Variants in ADAM19 observed in about 807,000 individuals in gnomAD.
ADAM19 encodes the protein disintegrin and metalloproteinase domain-containing protein 19.
In ADAM19, 65 loss-of-function variants were observed where a neutral mutation model predicts 114.7. The ratio of observed to expected loss-of-function variants is 0.57; its 90% CI spans 0.46 to 0.70. The LOEUF is 0.70. Among genes scored for constraint, ADAM19 ranks in the 30% least tolerant of loss-of-function variants. The probability of loss-of-function intolerance (pLI) is 0.00; values close to 1 mark genes in which losing one functional copy is unlikely to be tolerated. For missense variants in ADAM19, 1,063 were observed against 1,204.7 expected (o/e 0.88, Z 1.74); for synonymous variants, 466 against 460.5 (o/e 1.01, Z -0.15).
At chr5:157,575,499 T>G in intron 1 of ADAM19, 104 bp downstream of exon 1, 1 of 820,168 alleles carries the variant, frequency 1.2e-6, no homozygotes, top group Non-Finnish European at 1.7e-6. Flanking sequence ...CCCCGCGGAG[T>G]TGCGGGAGGC....
Position 157,564,440 on chromosome 5 carries a change from G to T in ADAM19, c.184C>A (p.Pro62Thr). 1 of 1,614,062 alleles carries T rather than the reference G, an allele frequency of 6.2e-7. No individual in the cohort carries two copies. The highest frequency in any genetic ancestry group is 1.1e-5 in the South Asian group (1 of 91,078). Residue 62 changes from proline (P) to threonine (T), a missense_variant, in exon 3 of 23, where the codon CCA becomes ACA. Physicochemically the swap from Pro to Thr is conservative, Grantham distance 38. This residue lies in a region of ADAM19 where 615 missense variants were observed against 706.3 expected (regional missense o/e 0.87). Transcript: ENST00000257527. The stretch of plus-strand genomic sequence containing the variant: ...ATTACCCTGAGCTCAGCTTTGAGTG[G>T]ATGCTAAAAGCAACAACAAAACAAT... ...TSESPVREKH[P>T]LKAELRVMAE...
chr5:157,484,971 A>G (rs1754887020), intron 21 of ADAM19, among the ~76,000 whole-genome samples: 2 of 152,230 alleles, frequency 1.3e-5, no homozygotes, highest in Non-Finnish European at 2.9e-5. Flanking sequence ...ACTCAGCCCT[A>G]CCAGGGCCCT....
intron 3 of ADAM19, among the ~76,000 whole-genome samples, chr5:157,560,667 T>C (rs528501764): frequency 1.2e-4 from 18 of 152,336 alleles, no homozygotes; most frequent in Admixed American, 1.1e-3. Context: ...GCAGCTTCTG[T>C]GTGACTGTGT....
rs140000103 is a variant in ADAM19 at position 157,478,819 on chromosome 5, G to A, written c.*2130C>T. 1 of 985,870 alleles carries A rather than the reference G, an allele frequency of 1.0e-6. No individual in the cohort carries two copies. The highest frequency in any genetic ancestry group is 1.1e-4 in the East Asian group (1 of 8,816). 61.1% of individuals were successfully genotyped at this position (985,870 alleles called of 1,614,324 possible). A position where few individuals can be genotyped will look rare whatever the true frequency, so the allele number is the denominator to read the frequency against. ...ACAACCCAGGTCTCTTTCTGGTGTGGTTCCAGGGAGGGTGGACTGCAGGTT... is the reference window on the plus strand; with the variant it reads ...ACAACCCAGGTCTCTTTCTGGTGTGATTCCAGGGAGGGTGGACTGCAGGTT... On this transcript the variant is annotated 3_prime_UTR_variant, in exon 23 of 23. Transcript: ENST00000257527.
chr5:157,480,600 G>A lies in ADAM19; in HGVS notation c.*349C>T. ...TGAATGGATGGCTTCTGCAAGCGAAGTGCTGGCCTGAGGGGCTTGCTGGCC... is the reference window on the plus strand; with the variant it reads ...TGAATGGATGGCTTCTGCAAGCGAAATGCTGGCCTGAGGGGCTTGCTGGCC... On this transcript the variant is annotated 3_prime_UTR_variant, in exon 23 of 23. Coordinates refer to ENST00000257527, the MANE Select transcript of ADAM19 (RefSeq NM_033274.5). 9.0e-7 allele frequency: 1 copy of A among 1,114,188 alleles called. No homozygotes were observed. The highest frequency in any genetic ancestry group is 1.1e-6 in the Non-Finnish European group (1 of 909,272). 69.0% of individuals were successfully genotyped at this position (1,114,188 alleles called of 1,614,324 possible).
At position 157,477,322 on chromosome 5, in the gene ADAM19, A is replaced by T; in HGVS notation, c.*3627T>A. On this transcript the variant is annotated 3_prime_UTR_variant, in exon 23 of 23. Transcript: ENST00000257527. ...AACCAGATAACATTGCAAATGACAA[A>T]CAATTCATTTTTAATTAAATACTAA... The T allele has an allele frequency of 1.0e-6, 1 of 1,000,480 alleles. No individual in the cohort carries two copies. Among genetic ancestry groups the T allele is most frequent in the Non-Finnish European group, 1.2e-6 (1 of 838,078 alleles). The allele number at this position is 1,000,480 out of a possible 1,614,324, so 62.0% of individuals were successfully genotyped here.
At chr5:157,574,087 A>T (rs1296856801) in intron 1 of ADAM19, among the ~76,000 whole-genome samples, 1 of 152,244 alleles carries the variant, frequency 6.6e-6, no homozygotes, top group Non-Finnish European at 1.5e-5. Flanking sequence ...TGAAAAACGC[A>T]AGACACGAAA....
chr5:157,566,357 G>C (rs947119645), intron 2 of ADAM19: 2 of 152,178 alleles, frequency 1.3e-5, no homozygotes, highest in Admixed American at 6.5e-5. Context: ...AAAATGTAGA[G>C]AGAAATAAGC....
intron 19 of ADAM19, 92 bp downstream of exon 19, chr5:157,490,218 C>A: frequency 6.9e-7 from 1 of 1,446,758 alleles, no homozygotes; most frequent in Non-Finnish European, 9.6e-7. Context: ...TGAATTAGAC[C>A]CACTATCACC....
At chr5:157,487,415 G>T (rs1754976727) in intron 21 of ADAM19, among the ~76,000 whole-genome samples, 1 of 152,176 alleles carries the variant, frequency 6.6e-6, no homozygotes, top group Non-Finnish European at 1.5e-5. Context: ...AGAGTCCTTA[G>T]GGTCAGAGAC....
chr5:157,571,012 C>A, intron 1 of ADAM19, 32 bp from the exon 2 acceptor site: 1 of 1,598,606 alleles, frequency 6.3e-7, no homozygotes, highest in Non-Finnish European at 8.6e-7. Flanking sequence ...CCATTGGAAT[C>A]CCAGACCTCT....
Position 157,573,885 on chromosome 5 carries a change from G to A in ADAM19, c.94+1718C>T, listed in dbSNP as rs118048534. On this transcript the variant is annotated intron_variant, in intron 1 of 22. Transcript: ENST00000257527. ...ATGATTTCAACATTCTTTCTCCAAT[G>A]CTTGTATCACCCCTTTCTAATGCTC... 2.6e-4 allele frequency among the ~76,000 whole-genome samples: 40 copies of A among 152,342 alleles called. 1 individual carries two copies. In the East Asian group the frequency reaches 6.9e-3, roughly 26 times the overall value.
At chr5:157,507,265 G>A (rs934163082) in intron 9 of ADAM19, 125 bp from the exon 10 acceptor site, 3 of 867,642 alleles carry the variant, frequency 3.5e-6, no homozygotes, top group South Asian at 1.6e-5. Flanking sequence ...CATTCCCAAG[G>A]GGAGAGGCCC....
rs1265968106 is a variant in ADAM19 at position 157,481,780 on chromosome 5, C to T, written c.2703+11G>A. ...ACCAGCTTTCACCTTGAGGGCTTCC[C>T]GTGGACTCACCTTTGGGGCAAGTGC... On this transcript the variant is annotated intron_variant, in intron 22 of 22. Transcript: ENST00000257527. 6.4e-6 allele frequency: 10 copies of T among 1,565,446 alleles called. No homozygotes were observed. Among genetic ancestry groups the T allele is most frequent in the East Asian group, 2.3e-5 (1 of 42,808 alleles).
intron 3 of ADAM19, among the ~76,000 whole-genome samples, chr5:157,538,326 AC>A (rs3839273): frequency 0.043 from 6,582 of 152,266 alleles, 207 homozygotes; most frequent in South Asian, 0.12. Context: ...GGGCCTATGA[AC>A]CCTGTTGTGT....
In ADAM19 at chr5:157,499,964, C is replaced by T. The variant is rs117638688; in HGVS notation, c.1309-302G>A. Among the ~76,000 whole-genome samples the T allele has an allele frequency of 1.9e-3, 289 of 150,590 alleles. 3 individuals are homozygous for T. Among genetic ancestry groups the T allele is most frequent in the East Asian group, 7.9e-4 (4 of 5,034 alleles). On this transcript the variant is annotated intron_variant, in intron 12 of 22. Transcript: ENST00000257527. ...TGGCTAATTTTTGTATTTTTAATAG[C>T]GATTGGGTTTCGTCATGTTGGCCAG...
chr5:157,480,129 G>C lies in ADAM19; in HGVS notation c.*820C>G, dbSNP rs1581279226. On this transcript the variant is annotated 3_prime_UTR_variant, in exon 23 of 23. Transcript: ENST00000257527. ...TCACCAAAGCACCACACATTAGAGG[G>C]AGAATGAGAGGGGAAGGAAGAGAGA... 1 of 986,030 alleles carries C rather than the reference G, an allele frequency of 1.0e-6. No individual in the cohort carries two copies. The highest frequency in any genetic ancestry group is 1.2e-6 in the Non-Finnish European group (1 of 830,018). 61.1% of individuals were successfully genotyped at this position (986,030 alleles called of 1,614,324 possible).
chr5:157,525,313 G>A (rs146361852), intron 5 of ADAM19, among the ~76,000 whole-genome samples: 104 of 152,304 alleles, frequency 6.8e-4, no homozygotes, highest in African/African-American at 2.4e-3. Context: ...AGGGCTGGCT[G>A]TGTGTATATG....
At chr5:157,492,089 C>A (rs972572030) in intron 16 of ADAM19, among the ~76,000 whole-genome samples, 177 bp from the exon 17 acceptor site, 6 of 152,072 alleles carry the variant, frequency 3.9e-5, no homozygotes, top group Non-Finnish European at 8.8e-5. Flanking sequence ...GTCAGGAGTT[C>A]AAGACCAGCC....
Sources: allele counts gnomAD v4.1 joint callset (sites outside exome capture counted in the v4.1 genomes callset), GRCh38; gene constraint gnomAD v4.1.1; regional missense constraint gnomAD v4.1.1; transcripts MANE v1.5; gene names NCBI Gene and HGNC (gene_info 2026-07-23, HGNC 2026-07-21).